The following KIAA1217 variants were observed in gnomAD, a reference collection of about 807,000 sequenced individuals.
KIAA1217 encodes KIAA1217.
Under a neutral mutation model 163.9 loss-of-function variants are expected in KIAA1217, and 88 were observed. The observed-to-expected ratio is 0.54, with a 90% CI of 0.45 to 0.64. The LOEUF is 0.64. Among genes scored for constraint, KIAA1217 ranks in the 30% least tolerant of loss-of-function variants. KIAA1217 has a pLI of 0.00. For missense variants in KIAA1217, 2,372 were observed against 2,475.0 expected (o/e 0.96, Z 0.88); for synonymous variants, 903 against 923.1 (o/e 0.98, Z 0.39).
intron 2 of KIAA1217, among the ~76,000 whole-genome samples, chr10:24,254,143 T>A (rs1033453967): frequency 3.9e-5 from 6 of 152,200 alleles, no homozygotes; most frequent in Non-Finnish European, 7.3e-5. Context: ...ACTTGTAAGC[T>A]TCTCCCCTCT....
chr10:24,513,786 TAAA>T (rs10711541), intron 10 of KIAA1217, among the ~76,000 whole-genome samples: 3 of 140,732 alleles, frequency 2.1e-5, no homozygotes, highest in Non-Finnish European at 3.1e-5. Flanking sequence ...TCCTGTCTCT[TAAA>T]AAAAAAAAAA....
chr10:23,967,356 T>A (rs1380811591), intron 1 of KIAA1217, among the ~76,000 whole-genome samples: 3 of 152,140 alleles, frequency 2.0e-5, no homozygotes, highest in African/African-American at 7.2e-5. Context: ...TGGTAATTTA[T>A]TATAACAAAA....
At chr10:23,797,019 A>G (rs1836240196) in intron 1 of KIAA1217, among the ~76,000 whole-genome samples, 1 of 152,076 alleles carries the variant, frequency 6.6e-6, no homozygotes. Flanking sequence ...CATCTGGCTA[A>G]TTGTTTCTTA....
intron 1 of KIAA1217, among the ~76,000 whole-genome samples, chr10:23,907,404 G>T (rs1221490384): frequency 6.6e-6 from 1 of 151,798 alleles, no homozygotes; most frequent in Non-Finnish European, 1.5e-5. Flanking sequence ...CATGGGATGT[G>T]GTTCATACAA....
At chr10:23,955,211 G>C (rs1844509396) in intron 1 of KIAA1217, among the ~76,000 whole-genome samples, 1 of 152,150 alleles carries the variant, frequency 6.6e-6, no homozygotes, top group African/African-American at 2.4e-5. Context: ...CAAGTGACTG[G>C]CTCCAGAGTC....
intron 12 of KIAA1217, among the ~76,000 whole-genome samples, chr10:24,523,031 T>A (rs2071528475): frequency 1.3e-5 from 2 of 151,722 alleles, no homozygotes; most frequent in South Asian, 4.2e-4. Flanking sequence ...CACGTGCTCG[T>A]AATCCCAGCT....
chr10:24,468,424 A>G (rs2063170971), intron 5 of KIAA1217, among the ~76,000 whole-genome samples: 1 of 152,200 alleles, frequency 6.6e-6, no homozygotes, highest in African/African-American at 2.4e-5. Flanking sequence ...CCGTCTTAGA[A>G]AGTCAGTCAC....
intron 2 of KIAA1217, among the ~76,000 whole-genome samples, chr10:24,075,599 A>G (rs1302692837): frequency 7.0e-6 from 1 of 143,778 alleles, no homozygotes; most frequent in East Asian, 2.0e-4. Flanking sequence ...ATCTAAAAGC[A>G]TTTTATCTTT....
At chr10:24,236,655 T>G (rs868010349) in intron 2 of KIAA1217, among the ~76,000 whole-genome samples, 4 of 151,938 alleles carry the variant, frequency 2.6e-5, no homozygotes, top group South Asian at 2.1e-4. Context: ...GAGTTTTTTT[T>G]TTTGTTTTTT....
rs749754632 is a variant in KIAA1217 at position 24,545,014 on chromosome 10, C to T, written c.5245C>T (p.Pro1749Ser). Reference sequence around the variant, plus strand: ...CGGGGCCCCACAGACGAGCAGGATGCCTGTCCCCATGAGTGCCAAGAACAG... The same window carrying T: ...CGGGGCCCCACAGACGAGCAGGATGTCTGTCCCCATGAGTGCCAAGAACAG... ...SSGAPQTSRM[P>S]VPMSAKNRPG... The change falls in exon 20 of 21, where the codon CCT (proline) becomes TCT (serine). Residue 1749 changes from proline to serine, a missense_variant. By Grantham distance (74) the Pro-to-Ser change is moderately conservative. Transcript: ENST00000376454. The T allele has an allele frequency of 2.5e-6, 4 of 1,614,104 alleles. No homozygotes were observed. The highest frequency in any genetic ancestry group is 3.4e-6 in the Non-Finnish European group (4 of 1,179,980).
At chr10:24,029,451 T>C (rs1477518334) in intron 2 of KIAA1217, among the ~76,000 whole-genome samples, 1 of 152,156 alleles carries the variant, frequency 6.6e-6, no homozygotes, top group Non-Finnish European at 1.5e-5. Context: ...TTTTTGCTCA[T>C]AAAAACAAGT....
intron 1 of KIAA1217, among the ~76,000 whole-genome samples, chr10:23,788,392 A>G (rs145617959): frequency 4.3e-4 from 66 of 152,284 alleles, no homozygotes; most frequent in African/African-American, 1.4e-3. Flanking sequence ...GCCCAAGGTT[A>G]CTCAGCCTCT....
intron 2 of KIAA1217, among the ~76,000 whole-genome samples, chr10:24,145,217 A>G (rs1020329076): frequency 1.3e-5 from 2 of 152,182 alleles, no homozygotes; most frequent in Non-Finnish European, 2.9e-5. Flanking sequence ...GGTCACACAA[A>G]CAGGTCTTGA....
chr10:24,002,125 A>G lies in KIAA1217; in HGVS notation c.-320-5100A>G, dbSNP rs77757315. Among the ~76,000 whole-genome samples, 1,276 of 152,298 alleles carry G rather than the reference A, an allele frequency of 8.4e-3. 16 individuals are homozygous for G. Among genetic ancestry groups the G allele is most frequent in the African/African-American group, 0.029 (1,196 of 41,558 alleles). On this transcript the variant is annotated intron_variant, in intron 1 of 18. Coordinates refer to the KIAA1217 transcript ENST00000376462. ...TGGTAAACAATCTCACGGGGCTCTC[A>G]GGGCTGTGGATATTATTCTCAGGAA...
intron 17 of KIAA1217, among the ~76,000 whole-genome samples, chr10:24,541,849 A>G (rs899915481): frequency 3.3e-5 from 5 of 152,258 alleles, no homozygotes; most frequent in Admixed American, 6.5e-5. Flanking sequence ...ACCGTCACCA[A>G]TGTAACCTCA....
chr10:23,977,976 A>C (rs779942593), intron 1 of KIAA1217, among the ~76,000 whole-genome samples: 3 of 152,142 alleles, frequency 2.0e-5, no homozygotes, highest in Non-Finnish European at 2.9e-5. Flanking sequence ...CTTCAGAAAA[A>C]TTTGCAGCTC....
intron 1 of KIAA1217, among the ~76,000 whole-genome samples, chr10:23,719,524 T>A (rs1837749553): frequency 6.6e-6 from 1 of 151,690 alleles, no homozygotes; most frequent in Non-Finnish European, 1.5e-5. Flanking sequence ...ATGGCTGCAG[T>A]GAGCCAGGAT....
chr10:24,110,711 G>A (rs1180248949), intron 2 of KIAA1217, among the ~76,000 whole-genome samples: 1 of 152,120 alleles, frequency 6.6e-6, no homozygotes, highest in African/African-American at 2.4e-5. Flanking sequence ...ATTAATAAAT[G>A]TGAAATATTG....
chr10:24,169,290 C>T (rs2065504032), intron 2 of KIAA1217, among the ~76,000 whole-genome samples: 1 of 152,220 alleles, frequency 6.6e-6, no homozygotes, highest in Non-Finnish European at 1.5e-5. Flanking sequence ...AATGGTTTGG[C>T]CCATGCCCGT....
Sources: allele counts gnomAD v4.1 joint callset (sites outside exome capture counted in the v4.1 genomes callset), GRCh38; gene constraint gnomAD v4.1.1; transcripts MANE v1.5; gene names NCBI Gene and HGNC (gene_info 2026-07-23, HGNC 2026-07-21).